The following CSGALNACT1 variants were observed in gnomAD, a reference collection of about 807,000 sequenced individuals.
The protein encoded by CSGALNACT1 is chondroitin sulfate N-acetylgalactosaminyltransferase 1.
Under a neutral mutation model 51.0 loss-of-function variants are expected in CSGALNACT1, and 52 were observed. The ratio of observed to expected loss-of-function variants is 1.02; its 90% confidence interval spans 0.82 to 1.29. The LOEUF (loss-of-function observed/expected upper bound fraction) is 1.29. Ranked by LOEUF, CSGALNACT1 falls within the 50% of genes most tolerant of loss-of-function variation. CSGALNACT1 has a pLI of 0.00. For missense variants in CSGALNACT1, 935 were observed against 679.2 expected (o/e 1.38, Z -4.19); for synonymous variants, 341 against 254.4 (o/e 1.34, Z -3.24).
chr8:19,692,517 C>A (rs1308412553), intron 1 of CSGALNACT1, among the ~76,000 whole-genome samples: 7 of 152,134 alleles, frequency 4.6e-5, no homozygotes, highest in Non-Finnish European at 4.4e-5. Flanking sequence ...TGAAAATGAT[C>A]ATTTTTCTTT....
At chr8:19,662,995 G>T (rs567396493) in intron 1 of CSGALNACT1, among the ~76,000 whole-genome samples, 1 of 152,134 alleles carries the variant, frequency 6.6e-6, no homozygotes, top group African/African-American at 2.4e-5. Flanking sequence ...AAAGGAAAGG[G>T]GGAAAAAAGT....
At chr8:19,470,174 G>T (rs1365954669) in intron 4 of CSGALNACT1, among the ~76,000 whole-genome samples, 1 of 152,164 alleles carries the variant, frequency 6.6e-6, no homozygotes, top group East Asian at 1.9e-4. Flanking sequence ...AGACAAAGAA[G>T]GGTTACCTAG....
chr8:19,702,829 G>A (rs1050168186), intron 1 of CSGALNACT1, among the ~76,000 whole-genome samples: 1 of 152,100 alleles, frequency 6.6e-6, no homozygotes, highest in Non-Finnish European at 1.5e-5. Flanking sequence ...TAGTGCAGAA[G>A]GAAAAGCTCT....
intron 3 of CSGALNACT1, among the ~76,000 whole-genome samples, chr8:19,534,588 C>T (rs2083395229): frequency 6.6e-6 from 1 of 152,062 alleles, no homozygotes; most frequent in African/African-American, 2.4e-5. Context: ...CCTGCAGGTA[C>T]CATTCAGCCA....
chr8:19,508,518 C>A (rs911769653), intron 3 of CSGALNACT1, among the ~76,000 whole-genome samples: 1 of 152,174 alleles, frequency 6.6e-6, no homozygotes, highest in African/African-American at 2.4e-5. Context: ...TACTGTAATT[C>A]TGTGATTGAA....
chr8:19,493,387 TG>T, intron 4 of CSGALNACT1, among the ~76,000 whole-genome samples: 1 of 152,330 alleles, frequency 6.6e-6, no homozygotes, highest in East Asian at 1.9e-4. Context: ...AGCTAATTTT[TG>T]TATGTGTTAC....
intron 5 of CSGALNACT1, among the ~76,000 whole-genome samples, chr8:19,448,171 G>A (rs1338120980): frequency 6.6e-6 from 1 of 152,108 alleles, no homozygotes; most frequent in African/African-American, 2.4e-5. Flanking sequence ...CAGAGTAGGG[G>A]AGAGAGAGAG....
At chr8:19,446,333 A>G (rs908941559) in intron 5 of CSGALNACT1, among the ~76,000 whole-genome samples, 11 of 152,120 alleles carry the variant, frequency 7.2e-5, no homozygotes, top group African/African-American at 2.7e-4. Context: ...GCACTTCTCT[A>G]TAAACACCTT....
chr8:19,426,126 C>T (rs553906298), intron 6 of CSGALNACT1, among the ~76,000 whole-genome samples: 12 of 152,298 alleles, frequency 7.9e-5, no homozygotes, highest in East Asian at 7.7e-4. Context: ...ACGGCACACA[C>T]GGGGTGACCA....
intron 1 of CSGALNACT1, among the ~76,000 whole-genome samples, chr8:19,703,947 A>G (rs1302478743): frequency 1.3e-5 from 2 of 152,188 alleles, no homozygotes; most frequent in Non-Finnish European, 2.9e-5. Flanking sequence ...TGGCAGTGAC[A>G]TCTTTCCTGA....
At position 19,488,586 on chromosome 8, in the gene CSGALNACT1, G is replaced by A. The variant is rs2073642403; in HGVS notation, c.634+16615C>T. 3.4e-5 allele frequency among the ~76,000 whole-genome samples: 5 copies of A among 148,824 alleles called. No homozygotes were observed. In the South Asian group the frequency reaches 1.0e-3, roughly 31 times the overall value. ...AATCAACTGCTATTCAGAAGGGTAT[G>A]AAGAGCCAGGGAAGGAGTGTAAACA... On this transcript the variant is annotated intron_variant, in intron 4 of 9. Coordinates refer to ENST00000454498, the Ensembl canonical transcript of CSGALNACT1.
chr8:19,565,159 A>G, intron 3 of CSGALNACT1, among the ~76,000 whole-genome samples: 1 of 152,234 alleles, frequency 6.6e-6, no homozygotes, highest in East Asian at 1.9e-4. Context: ...CACTTTACAG[A>G]CTTTCGAAGT....
intron 1 of CSGALNACT1, among the ~76,000 whole-genome samples, chr8:19,691,814 G>A (rs996139577): frequency 1.3e-5 from 2 of 152,146 alleles, no homozygotes; most frequent in South Asian, 4.1e-4. Context: ...TCGCTGGGCT[G>A]GCAGCAACAG....
At chr8:19,738,001 A>G (rs191908291) in intron 1 of CSGALNACT1, among the ~76,000 whole-genome samples, 182 of 152,342 alleles carry the variant, frequency 1.2e-3, no homozygotes, top group African/African-American at 4.2e-3. Flanking sequence ...TGTATTTATT[A>G]CCAATGAACT....
Position 19,551,563 on chromosome 8 carries a change from C to T in CSGALNACT1, c.-297+39597G>A, listed in dbSNP as rs375380582. On this transcript the variant is annotated intron_variant, in intron 3 of 9. Transcript: ENST00000454498. ...CCTGGAAGAACCATGCTTCAGCGTT[C>T]GGCTTCCTATTGCGTGCAAGCAAAT... 2.3e-3 allele frequency among the ~76,000 whole-genome samples: 355 copies of T among 152,276 alleles called. 3 individuals carry two copies. Among genetic ancestry groups the T allele is most frequent in the African/African-American group, 8.2e-3 (341 of 41,546 alleles).
chr8:19,682,422 A>G, intron 1 of CSGALNACT1: 1 of 335,874 alleles, frequency 3.0e-6, no homozygotes. Flanking sequence ...CCAAACAGAA[A>G]GTTGCAGCAA....
intron 3 of CSGALNACT1, among the ~76,000 whole-genome samples, chr8:19,563,617 C>G (rs1334963038): frequency 6.6e-6 from 1 of 152,080 alleles, no homozygotes; most frequent in Non-Finnish European, 1.5e-5. Context: ...CTCCTATTCC[C>G]ACAGCCCCTG....
At chr8:19,630,435 C>T (rs1467052298) in intron 1 of CSGALNACT1, among the ~76,000 whole-genome samples, 2 of 152,038 alleles carry the variant, frequency 1.3e-5, no homozygotes, top group African/African-American at 4.8e-5. Context: ...CCATTATTAA[C>T]ATCATGCATT....
intron 1 of CSGALNACT1, among the ~76,000 whole-genome samples, chr8:19,654,707 C>A (rs904558638): frequency 6.6e-6 from 1 of 151,908 alleles, no homozygotes; most frequent in South Asian, 2.1e-4. Flanking sequence ...ACACGCCCAG[C>A]TAATTTTTTG....
Sources: allele counts gnomAD v4.1 joint callset (sites outside exome capture counted in the v4.1 genomes callset), GRCh38; gene constraint gnomAD v4.1.1; transcripts MANE v1.5; gene names NCBI Gene and HGNC (gene_info 2026-07-23, HGNC 2026-07-21).